EML5: variants seen among roughly 807,000 people sequenced by gnomAD.
EML5 encodes the protein echinoderm microtubule-associated protein-like 5.
Under a neutral mutation model 250.0 loss-of-function variants are expected in EML5, and 120 were observed. The observed-to-expected ratio is 0.48, with a 90% CI of 0.41 to 0.56. EML5 has a LOEUF of 0.56. Among genes scored for constraint, EML5 ranks in the 20% least tolerant of loss-of-function variants. The pLI is 0.00. For synonymous variants in EML5, 771 were observed against 806.5 expected, an observed-to-expected ratio of 0.96 and a Z score of 0.75; for missense variants, 2,006 against 2,437.6, an observed-to-expected ratio of 0.82 and a Z score of 3.73.
Position 88,657,372 on chromosome 14 carries a change from T to C in EML5, c.4004+4A>G, listed in dbSNP as rs1258724430. ...CTTCATCTAATACTAAACTAAATTA[T>C]TACCTTTCATCAATTGAGGGTTCTT... On this transcript the variant is annotated splice_donor_region_variant and intron_variant, in intron 27 of 43. Transcript: ENST00000554922. 3 of 1,555,570 alleles carry C rather than the reference T, an allele frequency of 1.9e-6. No homozygotes were observed. The highest frequency in any genetic ancestry group is 1.4e-5 in the African/African-American group (1 of 73,376).
At chr14:88,664,655 T>C (rs752395515) in intron 22 of EML5, 31 bp from the exon 23 acceptor site, 1 of 1,593,410 alleles carries the variant, frequency 6.3e-7, no homozygotes, top group Admixed American at 1.8e-5. Context: ...CTTGACATTT[T>C]CTATCTTTGG....
chr14:88,709,401 A>G (rs1426696379), intron 10 of EML5, among the ~76,000 whole-genome samples: 2 of 149,344 alleles, frequency 1.3e-5, no homozygotes, highest in Non-Finnish European at 2.9e-5. Flanking sequence ...ATTCTTAAAG[A>G]TCAATAAAAG....
At chr14:88,770,096 C>A (rs1363583111) in intron 1 of EML5, among the ~76,000 whole-genome samples, 1 of 151,944 alleles carries the variant, frequency 6.6e-6, no homozygotes, top group Non-Finnish European at 1.5e-5. Context: ...TGTGAAACGG[C>A]CGCTGAAATT....
At chr14:88,713,281 A>G (rs2093434595) in intron 9 of EML5, among the ~76,000 whole-genome samples, 1 of 151,802 alleles carries the variant, frequency 6.6e-6, no homozygotes, top group African/African-American at 2.4e-5. Flanking sequence ...AATCTCAGCT[A>G]CTCGGGAGGC....
chr14:88,699,374 T>C (rs571272854), intron 14 of EML5, among the ~76,000 whole-genome samples: 13 of 151,902 alleles, frequency 8.6e-5, no homozygotes, highest in African/African-American at 2.9e-4. Context: ...ATGCCTTGAA[T>C]TGCATTGGGA....
chr14:88,781,384 T>C (rs374802581), intron 1 of EML5, among the ~76,000 whole-genome samples: 81 of 152,296 alleles, frequency 5.3e-4, no homozygotes, highest in African/African-American at 1.5e-3. Flanking sequence ...ATGTAATAGA[T>C]TTATAAATCA....
chr14:88,679,669 G>A (rs2092676357), intron 21 of EML5, among the ~76,000 whole-genome samples: 1 of 151,938 alleles, frequency 6.6e-6, no homozygotes, highest in South Asian at 2.1e-4. Context: ...TCCAGCCTGG[G>A]TGATAGAGCA....
intron 25 of EML5, among the ~76,000 whole-genome samples, chr14:88,660,727 G>A (rs1346610619): frequency 6.7e-6 from 1 of 148,178 alleles, no homozygotes; most frequent in East Asian, 2.0e-4. Flanking sequence ...TGGCGACAGA[G>A]TGAGACTCCA....
At chr14:88,778,985 T>C (rs75006776) in intron 1 of EML5, among the ~76,000 whole-genome samples, 249 of 152,334 alleles carry the variant, frequency 1.6e-3, no homozygotes, top group Non-Finnish European at 3.0e-3. Context: ...ACTTCCATGC[T>C]AAAGCATTTA....
chr14:88,630,939 C>A (rs2090406024), intron 33 of EML5, among the ~76,000 whole-genome samples: 1 of 152,192 alleles, frequency 6.6e-6, no homozygotes, highest in Non-Finnish European at 1.5e-5. Context: ...TGAAGTAGCA[C>A]ACTCCGGAGG....
intron 35 of EML5, 25 bp from the exon 36 acceptor site, chr14:88,625,152 G>A (rs1196704628): frequency 9.9e-6 from 16 of 1,611,026 alleles, no homozygotes; most frequent in Non-Finnish European, 1.4e-5. Flanking sequence ...GGGAGGGGGA[G>A]ACAAACTCAT....
chr14:88,649,109 A>C (rs1413402688), intron 28 of EML5, among the ~76,000 whole-genome samples: 1 of 151,692 alleles, frequency 6.6e-6, no homozygotes, highest in Non-Finnish European at 1.5e-5. Context: ...AGCTCACTGC[A>C]GCCTCAAACT....
Position 88,715,131 on chromosome 14 carries a change from G to A in EML5, c.1252C>T (p.Pro418Ser). The A allele has an allele frequency of 6.2e-7, 1 of 1,612,114 alleles. No homozygotes were observed. Reference protein sequence around the residue: ...KEAIHELKYSPDGTYLAVGCN... With the variant: ...KEAIHELKYSSDGTYLAVGCN... ...CCAACAGCAAGGTAAGTTCCATCTG[G>A]TGAATATTTTAACTCATGAATTGCC... The change falls in exon 9 of 44, where the codon CCA (proline) becomes TCA (serine). Residue 418 changes from proline (P) to serine (S), a missense_variant. By Grantham distance (74) the Pro-to-Ser change is moderately conservative. Around this residue, in one of 7 missense-constraint regions of EML5, gnomAD observed 1,375 missense variants for 1,590.3 expected, o/e 0.86. Transcript: ENST00000554922.
Position 88,616,149 on chromosome 14 carries a change from C to A in EML5, c.5890G>T (p.Asp1964Tyr). The A allele has an allele frequency of 6.2e-7, 1 of 1,613,830 alleles. No homozygotes were observed. The highest frequency in any genetic ancestry group is 1.1e-5 in the South Asian group (1 of 91,026). The change falls in exon 43 of 44, where the codon GAC becomes TAC. Residue 1964 changes from aspartate (D) to tyrosine (Y), a missense_variant. This residue lies in a region of EML5 where 56 missense variants were observed against 55.1 expected (regional missense o/e 1.02). Transcript: ENST00000554922. Reference sequence around the variant, plus strand: ...GCTGAGAAAGTTACTAACCTGCAGTCATCACCTCCAGCACTAACAACATGT... The same window carrying A: ...GCTGAGAAAGTTACTAACCTGCAGTAATCACCTCCAGCACTAACAACATGT... The part of the protein sequence containing the change: ...DRHVVSAGGD[D>Y]CSLFVWKCVH...
intron 1 of EML5, among the ~76,000 whole-genome samples, chr14:88,766,737 TA>T (rs1450475045): frequency 4.6e-5 from 7 of 152,156 alleles, no homozygotes; most frequent in African/African-American, 1.7e-4. Flanking sequence ...AAATCACTAA[TA>T]AAAACTTACC....
Position 88,736,483 on chromosome 14 carries a change from C to T in EML5, c.930G>A (p.Val310=), listed in dbSNP as rs2093842538. 2 of 1,613,884 alleles carry T rather than the reference C, an allele frequency of 1.2e-6. No individual in the cohort carries two copies. Among genetic ancestry groups the T allele is most frequent in the Admixed American group, 1.7e-5 (1 of 60,012 alleles). The part of the protein sequence containing the change: ...TQDSEIFEIV[V]QERNKPFLIM... Reference sequence around the variant, plus strand: ...TTAGAAAAGGTTTATTTCTTTCTTGCACCACAATTTCAAAAATTTCACTGT... The same window carrying T: ...TTAGAAAAGGTTTATTTCTTTCTTGTACCACAATTTCAAAAATTTCACTGT... Residue 310 remains valine, a synonymous_variant, in exon 7 of 44, where the codon GTG becomes GTA. Coordinates refer to ENST00000554922, the MANE Select transcript of EML5 (RefSeq NM_183387.3).
At chr14:88,697,259 C>A (rs186733673) in intron 14 of EML5, among the ~76,000 whole-genome samples, 1 of 151,996 alleles carries the variant, frequency 6.6e-6, no homozygotes, top group African/African-American at 2.4e-5. Context: ...CTAGATACAA[C>A]GAGCAATAAG....
chr14:88,615,926 A>G (rs759457182), intron 43 of EML5, 72 bp from the exon 44 acceptor site: 281 of 1,525,288 alleles, frequency 1.8e-4, no homozygotes, highest in Non-Finnish European at 2.3e-4. Flanking sequence ...AATATTTTTC[A>G]GTTGTGCTTT....
intron 1 of EML5, among the ~76,000 whole-genome samples, chr14:88,767,471 C>A (rs528900729): frequency 6.6e-6 from 1 of 152,298 alleles, no homozygotes; most frequent in East Asian, 1.9e-4. Context: ...ATGTTAGCCT[C>A]TGCATACTAT....
Sources: gnomAD v4.1 joint callset for allele counts (sites outside exome capture counted in the v4.1 genomes callset) on GRCh38, gnomAD v4.1.1 for gene constraint, gnomAD v4.1.1 regional missense constraint, MANE v1.5 for transcripts, NCBI Gene and HGNC (gene_info 2026-07-23, HGNC 2026-07-21) for gene names.